LMO7: variants seen among roughly 807,000 people sequenced by gnomAD.
LMO7 encodes the protein LIM domain only protein 7.
A neutral mutation model predicts 206.5 loss-of-function variants in LMO7; 120 were observed. The observed-to-expected ratio is 0.58, with a 90% CI of 0.50 to 0.68. The LOEUF (loss-of-function observed/expected upper bound fraction) is 0.68. LMO7 is among the 30% of genes least tolerant of loss of function. LMO7 has a pLI of 0.00. For missense variants in LMO7, 1,959 were observed against 1,957.9 expected (o/e 1.00, Z -0.01); for synonymous variants, 706 against 681.5 (o/e 1.04, Z -0.56).
Position 75,841,648 on chromosome 13 carries a change from A to G in LMO7, c.3696A>G (p.Ser1232=). Residue 1232 remains serine, a synonymous_variant, in exon 24 of 31, where the codon TCA becomes TCG. Coordinates refer to ENST00000377534, the MANE Select transcript of LMO7 (RefSeq NM_001306080.2). ...YLDEELMVLS[S]NSMSLTTREP... ...CCTAGGAACTGATGGTCCTAAGCTC[A>G]AACAGCATGTCTCTGACCACACGGG... 1 of 1,612,280 alleles carries G rather than the reference A, an allele frequency of 6.2e-7. No individual in the cohort carries two copies. The highest frequency in any genetic ancestry group is 8.5e-7 in the Non-Finnish European group (1 of 1,178,922).
rs761094563 is a variant in LMO7 at position 75,795,430 on chromosome 13, A to G, written c.347A>G (p.Asn116Ser). The change falls in exon 5 of 31, where the codon AAT becomes AGT. Residue 116 changes from asparagine to serine, a missense_variant and splice_region_variant. By Grantham distance (46) the Asn-to-Ser change is conservative. Transcript: ENST00000377534. ...GAAGAGACTGACAGGAGAGTGAAAA[A>G]TGTAAGATACATTTACCTTAATGGA... ...KQEETDRRVK[N>S]VLITLYWLGR... 2 of 1,587,558 alleles carry G rather than the reference A, an allele frequency of 1.3e-6. No individual in the cohort carries two copies. Among genetic ancestry groups the G allele is most frequent in the African/African-American group, 1.3e-5 (1 of 74,110 alleles).
intron 1 of LMO7, among the ~76,000 whole-genome samples, chr13:75,647,512 A>G (rs1233168703): frequency 6.6e-6 from 1 of 152,324 alleles, no homozygotes; most frequent in South Asian, 2.1e-4. Flanking sequence ...AGCAAATTTG[A>G]AGATGAGCCT....
chr13:75,646,397 C>T (rs1403519151), intron 1 of LMO7, among the ~76,000 whole-genome samples: 1 of 152,082 alleles, frequency 6.6e-6, no homozygotes, highest in Admixed American at 6.6e-5. Flanking sequence ...CGACTCTGCG[C>T]CCTCCTCCCC....
chr13:75,751,960 CTT>C (rs995939273), intron 3 of LMO7, among the ~76,000 whole-genome samples: 1 of 151,994 alleles, frequency 6.6e-6, no homozygotes, highest in African/African-American at 2.4e-5. Flanking sequence ...GTGAAAGTGA[CTT>C]TGGGTAGGGT....
chr13:75,826,369 C>T (rs1249423374), intron 15 of LMO7, among the ~76,000 whole-genome samples: 2 of 152,114 alleles, frequency 1.3e-5, no homozygotes, highest in African/African-American at 4.8e-5. Flanking sequence ...TCCTGGCTTC[C>T]ACTATGCTAA....
chr13:75,723,076 C>T (rs1187273703), intron 2 of LMO7, among the ~76,000 whole-genome samples: 2 of 151,930 alleles, frequency 1.3e-5, no homozygotes, highest in African/African-American at 4.8e-5. Flanking sequence ...GGATACTCCT[C>T]AAGTGATGAG....
intron 1 of LMO7, among the ~76,000 whole-genome samples, chr13:75,650,697 T>C (rs1160526690): frequency 6.6e-6 from 1 of 152,252 alleles, no homozygotes; most frequent in Non-Finnish European, 1.5e-5. Flanking sequence ...AGATTGCATG[T>C]ATTAAGTTTC....
At chr13:75,763,623 G>A (rs903110401) in intron 4 of LMO7, among the ~76,000 whole-genome samples, 2 of 152,106 alleles carry the variant, frequency 1.3e-5, no homozygotes, top group African/African-American at 4.8e-5. Flanking sequence ...TTAAAATGCT[G>A]TATTATAACT....
intron 2 of LMO7, among the ~76,000 whole-genome samples, chr13:75,721,764 C>T (rs969796594): frequency 1.6e-4 from 24 of 152,188 alleles, no homozygotes; most frequent in South Asian, 8.3e-4. Flanking sequence ...GTGCAAATTG[C>T]ACTGCTATAA....
intron 3 of LMO7, among the ~76,000 whole-genome samples, chr13:75,727,789 C>A (rs1022023029): frequency 2.7e-5 from 4 of 147,098 alleles, no homozygotes; most frequent in Middle Eastern, 3.5e-3. Flanking sequence ...CCCAACCCCA[C>A]AACAGTCCCC....
chr13:75,817,768 T>A (rs1292245462), intron 12 of LMO7, among the ~76,000 whole-genome samples: 1 of 152,242 alleles, frequency 6.6e-6, no homozygotes, highest in Non-Finnish European at 1.5e-5. Flanking sequence ...ATATTTTGGC[T>A]GAAGAAGTCA....
chr13:75,713,999 G>A (rs903470889), intron 2 of LMO7, among the ~76,000 whole-genome samples: 1 of 152,188 alleles, frequency 6.6e-6, no homozygotes, highest in Non-Finnish European at 1.5e-5. Flanking sequence ...GAATGTACTT[G>A]AGTACTCACC....
intron 1 of LMO7, among the ~76,000 whole-genome samples, chr13:75,644,711 C>T (rs2038015765): frequency 6.6e-6 from 1 of 152,188 alleles, no homozygotes; most frequent in African/African-American, 2.4e-5. Flanking sequence ...TCACTGCAGC[C>T]TTGAACTCCC....
At chr13:75,829,914 T>TG (rs2058497274) in intron 15 of LMO7, among the ~76,000 whole-genome samples, 1 of 152,250 alleles carries the variant, frequency 6.6e-6, no homozygotes, top group African/African-American at 2.4e-5. Context: ...TTGAGGGAAA[T>TG]TTTTTATCTT....
intron 1 of LMO7, among the ~76,000 whole-genome samples, chr13:75,702,439 C>T (rs2042344362): frequency 6.6e-6 from 1 of 152,170 alleles, no homozygotes; most frequent in Non-Finnish European, 1.5e-5. Context: ...CTGTGCAGTT[C>T]TGATTACCAC....
At chr13:75,622,700 G>A (rs1277288780) in intron 1 of LMO7, among the ~76,000 whole-genome samples, 1 of 152,202 alleles carries the variant, frequency 6.6e-6, no homozygotes, top group African/African-American at 2.4e-5. Context: ...GGCAGTAAGT[G>A]TAGTGCATAC....
In LMO7 at chr13:75,728,507, T is replaced by G. The variant is rs1319377703; in HGVS notation, c.210+1409T>G. Among the ~76,000 whole-genome samples, 268 of 146,172 alleles carry G rather than the reference T, an allele frequency of 1.8e-3. 1 individual carries two copies. Among genetic ancestry groups the G allele is most frequent in the African/African-American group, 6.4e-3 (246 of 38,350 alleles). On this transcript the variant is annotated intron_variant, in intron 3 of 30. Transcript: ENST00000377534. ...TTCTTGTAAATTTGTTTGAGTTCAT[T>G]GTAGATTCTGGATATTAGCCCTTTG...
intron 1 of LMO7, among the ~76,000 whole-genome samples, chr13:75,677,602 C>CT (rs2040115980): frequency 6.7e-6 from 1 of 150,322 alleles, no homozygotes; most frequent in Admixed American, 6.6e-5. Flanking sequence ...AGCTAGATTT[C>CT]TTGTGCGTCC....
chr13:75,820,918 A>G (rs2057507779), intron 13 of LMO7, among the ~76,000 whole-genome samples: 2 of 152,032 alleles, frequency 1.3e-5, no homozygotes, highest in Admixed American at 1.3e-4. Flanking sequence ...AATTGCTTGA[A>G]TGCGGGAGGC....
Sources: gnomAD v4.1 joint callset for allele counts (sites outside exome capture counted in the v4.1 genomes callset) on GRCh38, gnomAD v4.1.1 for gene constraint, MANE v1.5 for transcripts, NCBI Gene and HGNC (gene_info 2026-07-23, HGNC 2026-07-21) for gene names.